The following BRD4 variants were observed in gnomAD, a reference collection of about 807,000 sequenced individuals.
BRD4 encodes bromodomain-containing protein 4.
In BRD4, 16 loss-of-function variants were observed where a neutral mutation model predicts 142.1. The observed-to-expected ratio is 0.11, with a 90% CI of 0.08 to 0.17. The LOEUF (loss-of-function observed/expected upper bound fraction) is 0.17, where lower values mean the gene tolerates loss of function less well. BRD4 is among the 10% of genes least tolerant of loss of function. The pLI is 1.00. For synonymous variants in BRD4, 833 were observed against 707.5 expected (o/e 1.18, Z -2.82); for missense variants, 1,424 against 1,810.9 (o/e 0.79, Z 3.88).
In BRD4 at chr19:15,265,711, G is replaced by C. The variant is rs1236967016; in HGVS notation, c.560-68C>G. On this transcript the variant is annotated intron_variant, in intron 4 of 19. Transcript: ENST00000679869. ...ATCCACATGCTGGCTGACCTCGTGG[G>C]GACATACACCACACACAGTGAACGC... 4 of 1,508,698 alleles carry C rather than the reference G, an allele frequency of 2.7e-6. No individual in the cohort carries two copies. The East Asian group carries it at 9.0e-5, about 34-fold the overall frequency. The allele number at this position is 1,508,698 out of a possible 1,614,324, so 93.5% of individuals were successfully genotyped here. A position where few individuals can be genotyped will look rare whatever the true frequency, so the allele number is the denominator to read the frequency against.
At chr19:15,307,615 A>G (rs1403389036) in intron 1 of BRD4, among the ~76,000 whole-genome samples, 3 of 152,224 alleles carry the variant, frequency 2.0e-5, no homozygotes, top group Non-Finnish European at 4.4e-5. Flanking sequence ...AGGACAAGAC[A>G]ATGCCAAAAA....
chr19:15,264,251 G>T, intron 6 of BRD4, 153 bp downstream of exon 6: 1 of 1,023,458 alleles, frequency 9.8e-7, no homozygotes, highest in African/African-American at 1.6e-5. Flanking sequence ...CAGACAGCAG[G>T]GGGCGCTGAG....
intron 1 of BRD4, among the ~76,000 whole-genome samples, chr19:15,288,838 G>GC (rs2047759915): frequency 6.6e-6 from 1 of 152,184 alleles, no homozygotes; most frequent in Non-Finnish European, 1.5e-5. Context: ...GAGAGAACAC[G>GC]CAACAGTACC....
At chr19:15,302,781 G>A (rs997839387) in intron 1 of BRD4, among the ~76,000 whole-genome samples, 10 of 151,366 alleles carry the variant, frequency 6.6e-5, no homozygotes, top group Admixed American at 2.0e-4. Flanking sequence ...CGAGGCGGGC[G>A]CATCACGAGG....
intron 14 of BRD4, 132 bp downstream of exon 14, chr19:15,242,768 C>T (rs537438036): frequency 2.2e-6 from 3 of 1,384,576 alleles, no homozygotes; most frequent in Non-Finnish European, 2.9e-6. Context: ...CCTTCCAGGT[C>T]CCCCTCCAAG....
chr19:15,328,165 C>T (rs1042629873), intron 1 of BRD4, among the ~76,000 whole-genome samples: 3 of 152,044 alleles, frequency 2.0e-5, no homozygotes, highest in Admixed American at 2.0e-4. Context: ...AGTCATTATA[C>T]AAATATCTTT....
rs35971341 is a variant in BRD4 at position 15,235,566 on chromosome 19, CAAAAAA to C, written c.*2805_*2810del. 1 of 76,644 alleles carries C rather than the reference CAAAAAA, an allele frequency of 1.3e-5. No individual in the cohort carries two copies. The highest frequency in any genetic ancestry group is 5.1e-5 in the African/African-American group (1 of 19,428). The allele number at this position is 76,644 out of a possible 1,614,324, so 4.7% of individuals were successfully genotyped here. On this transcript the variant is annotated 3_prime_UTR_variant, in exon 20 of 20. Transcript: ENST00000679869. ...GTTTATTTTTGCAATGAGAACTGCA[CAAAAAA>C]AAAAAAAAACCTTTCGTATGTAAGT...
chr19:15,265,318 C>A, intron 5 of BRD4, 36 bp downstream of exon 5: 1 of 1,465,924 alleles, frequency 6.8e-7, no homozygotes. Context: ...GCTCTCCTCC[C>A]TGGTGAAGCA....
At chr19:15,289,312 G>A (rs2047763466) in intron 1 of BRD4, among the ~76,000 whole-genome samples, 1 of 152,216 alleles carries the variant, frequency 6.6e-6, no homozygotes, top group East Asian at 1.9e-4. Flanking sequence ...AGCACTTTGG[G>A]AGGCCGAGGC....
chr19:15,238,869 TTGC>T lies in BRD4; in HGVS notation c.3891_3893del (p.Gln1300del), dbSNP rs745340727. ...CGGCAGCCACCGCAGCTGCTTGCTG[TTGC>T]TGCTGCTGCTGTTGCTCCTGGCGCT... is the stretch of plus-strand genomic sequence containing the variant. On this transcript the variant is annotated inframe_deletion, in exon 19 of 20. Transcript: ENST00000679869. This position sits in a 1 kb window ranked among gnomAD's most constrained non-coding sequence, Gnocchi z 7.2. The T allele has an allele frequency of 8.7e-6, 14 of 1,600,236 alleles. No individual in the cohort carries two copies. The highest frequency in any genetic ancestry group is 7.7e-6 in the Non-Finnish European group (9 of 1,174,126).
chr19:15,264,886 C>T, intron 5 of BRD4, 120 bp from the exon 6 acceptor site: 1 of 1,448,170 alleles, frequency 6.9e-7, no homozygotes, highest in Non-Finnish European at 9.3e-7. Flanking sequence ...AGAATGGACC[C>T]AAAGATAATT....
At chr19:15,303,288 A>C (rs1480916336) in intron 1 of BRD4, among the ~76,000 whole-genome samples, 1 of 152,218 alleles carries the variant, frequency 6.6e-6, no homozygotes, top group Non-Finnish European at 1.5e-5. Flanking sequence ...GTGTGGCTAG[A>C]ACAAAGCTAC....
At chr19:15,240,611 CG>C (rs2047231133) in intron 14 of BRD4, among the ~76,000 whole-genome samples, 1 of 152,166 alleles carries the variant, frequency 6.6e-6, no homozygotes, top group Admixed American at 6.5e-5. Context: ...GGGGAGCAGG[CG>C]GAAAAGGGCC....
chr19:15,263,010 T>A (rs917652057), intron 7 of BRD4, among the ~76,000 whole-genome samples: 1 of 152,166 alleles, frequency 6.6e-6, no homozygotes, highest in African/African-American at 2.4e-5. Context: ...ACTCTGCAGC[T>A]AGAAGGCTCT....
At position 15,279,944 on chromosome 19, in the gene BRD4, A is replaced by G. The variant is rs139252627; in HGVS notation, c.-34-6811T>C. ...GTAGAAAGACGCCAGGGAAGGCAGA[A>G]GCAGTCGCCAAGACGATGGCTGGTT... On this transcript the variant is annotated intron_variant, in intron 1 of 19. Coordinates refer to ENST00000679869, the MANE Select transcript of BRD4 (RefSeq NM_001379291.1). Among the ~76,000 whole-genome samples the G allele has an allele frequency of 1.1e-3, 163 of 152,326 alleles. 1 individual carries two copies. Among genetic ancestry groups the G allele is most frequent in the African/African-American group, 3.8e-3 (160 of 41,578 alleles).
intron 2 of BRD4, among the ~76,000 whole-genome samples, chr19:15,269,436 A>G (rs1309296772): frequency 3.3e-5 from 5 of 152,198 alleles, no homozygotes; most frequent in Non-Finnish European, 7.4e-5. Flanking sequence ...GGCAGGTCCT[A>G]CTTGTCCCAT....
chr19:15,283,506 C>T (rs553489244), intron 1 of BRD4, among the ~76,000 whole-genome samples: 51 of 152,206 alleles, frequency 3.4e-4, no homozygotes, highest in African/African-American at 1.2e-3. Context: ...AAGATCACGC[C>T]CTTTGGGAAT....
chr19:15,325,031 C>T (rs1355429669), intron 1 of BRD4, among the ~76,000 whole-genome samples: 1 of 152,184 alleles, frequency 6.6e-6, no homozygotes, highest in Non-Finnish European at 1.5e-5. Flanking sequence ...CACCTCCTGG[C>T]TGTCAGCAGC....
intron 1 of BRD4, among the ~76,000 whole-genome samples, chr19:15,325,369 G>T (rs1264503185): frequency 6.6e-6 from 1 of 152,124 alleles, no homozygotes; most frequent in African/African-American, 2.4e-5. Flanking sequence ...GCCCTCCAAG[G>T]TCACCCTCCC....
Sources: allele counts gnomAD v4.1 joint callset (sites outside exome capture counted in the v4.1 genomes callset), GRCh38; gene constraint gnomAD v4.1.1; non-coding constraint Gnocchi (gnomAD v3.1); transcripts MANE v1.5; gene names NCBI Gene and HGNC (gene_info 2026-07-23, HGNC 2026-07-21).